Variants in ZNF385D observed in about 807,000 individuals in gnomAD.
ZNF385D encodes zinc finger protein 659.
Under a neutral mutation model 35.8 loss-of-function variants are expected in ZNF385D, and 15 were observed. That is an observed-to-expected ratio of 0.42 (90% CI 0.28 to 0.64). ZNF385D has a LOEUF of 0.64. ZNF385D is among the 30% of genes least tolerant of loss of function. ZNF385D has a pLI of 0.23. For missense variants in ZNF385D, 474 were observed against 494.6 expected, an observed-to-expected ratio of 0.96 and a Z score of 0.39; for synonymous variants, 212 against 186.8, an observed-to-expected ratio of 1.13 and a Z score of -1.10.
At chr3:21,658,655 C>G (rs1468217099) in intron 2 of ZNF385D, among the ~76,000 whole-genome samples, 1 of 151,886 alleles carries the variant, frequency 6.6e-6, no homozygotes, top group Non-Finnish European at 1.5e-5. Flanking sequence ...TGCTATGTTT[C>G]ATGTTCTATA....
rs545955707 is a variant in ZNF385D, at chr3:22,348,605, C to T, written c.106+23845G>A. 3.9e-4 allele frequency among the ~76,000 whole-genome samples: 55 copies of T among 140,826 alleles called. No homozygotes were observed. In the Middle Eastern group the frequency reaches 0.014, roughly 37 times the overall value. 92.4% of individuals were successfully genotyped at this position (140,826 alleles called of 152,430 possible). On this transcript the variant is annotated intron_variant, in intron 2 of 5. Coordinates refer to the ZNF385D transcript ENST00000494108. ...CCTGAACCCCGGGAGGTGGAAGTTG[C>T]GGTGAGCCGAGATCACGCCATTGCA...
chr3:21,984,291 G>T (rs1694680977), intron 3 of ZNF385D, among the ~76,000 whole-genome samples: 1 of 145,632 alleles, frequency 6.9e-6, no homozygotes, highest in South Asian at 2.1e-4. Context: ...GGGTTTTTAT[G>T]GTTTTAGGTC....
At chr3:21,768,499 C>A (rs2125604214) in intron 3 of ZNF385D, among the ~76,000 whole-genome samples, 1 of 151,954 alleles carries the variant, frequency 6.6e-6, no homozygotes, top group Non-Finnish European at 1.5e-5. Context: ...CAGGAGAATG[C>A]TTGGACAGTA....
chr3:21,487,192 C>G (rs1705097227), intron 4 of ZNF385D, among the ~76,000 whole-genome samples: 1 of 152,124 alleles, frequency 6.6e-6, no homozygotes, highest in Admixed American at 6.6e-5. Flanking sequence ...ACTTTACCCT[C>G]AAGCTTTCCA....
chr3:22,299,526 G>A (rs1195814127), intron 2 of ZNF385D, among the ~76,000 whole-genome samples: 2 of 151,900 alleles, frequency 1.3e-5, no homozygotes, highest in Non-Finnish European at 2.9e-5. Flanking sequence ...AAATTGGATA[G>A]TAAGAAGTTC....
At chr3:22,135,350 A>C (rs543683442) in intron 3 of ZNF385D, among the ~76,000 whole-genome samples, 1 of 150,754 alleles carries the variant, frequency 6.6e-6, no homozygotes, top group Non-Finnish European at 1.5e-5. Flanking sequence ...ACATACACAC[A>C]TAACTTATTT....
chr3:21,595,785 G>A (rs2064112578), intron 2 of ZNF385D, among the ~76,000 whole-genome samples: 1 of 152,094 alleles, frequency 6.6e-6, no homozygotes, highest in South Asian at 2.1e-4. Context: ...TCTTAGAGAA[G>A]CAAACTAAAA....
rs548634098 is a variant in ZNF385D at position 21,748,043 on chromosome 3, G to A, written c.22+2852C>T. On this transcript the variant is annotated intron_variant, in intron 1 of 7. Coordinates refer to ENST00000281523, the MANE Select transcript of ZNF385D (RefSeq NM_024697.3). ...TTATATTTAACTCCAAATGGTGAATGCAAGATCCAAGATTGATAGAATAAG... is the reference window on the plus strand; with the variant it reads ...TTATATTTAACTCCAAATGGTGAATACAAGATCCAAGATTGATAGAATAAG... Among the ~76,000 whole-genome samples, 6 of 152,218 alleles carry A rather than the reference G, an allele frequency of 3.9e-5. 1 individual carries two copies. The South Asian group carries it at 1.0e-3, about 26-fold the overall frequency.
chr3:21,881,244 T>C (rs1295605386), intron 3 of ZNF385D, among the ~76,000 whole-genome samples: 1 of 151,916 alleles, frequency 6.6e-6, no homozygotes, highest in African/African-American at 2.4e-5. Flanking sequence ...TCTAAGGAAG[T>C]TAGTGCCTGG....
chr3:21,518,550 C>G (rs995318854), intron 3 of ZNF385D, among the ~76,000 whole-genome samples: 15 of 152,100 alleles, frequency 9.9e-5, no homozygotes, highest in African/African-American at 3.1e-4. Context: ...AAAAATCAAC[C>G]CCTGTATCAA....
At chr3:22,214,322 C>T (rs374356036) in intron 2 of ZNF385D, among the ~76,000 whole-genome samples, 12 of 152,000 alleles carry the variant, frequency 7.9e-5, no homozygotes, top group Admixed American at 2.6e-4. Context: ...GGATGTATGT[C>T]GCCTCAGGAC....
intron 3 of ZNF385D, among the ~76,000 whole-genome samples, chr3:21,856,486 G>T (rs1696719834): frequency 1.3e-5 from 2 of 152,092 alleles, no homozygotes; most frequent in Non-Finnish European, 1.5e-5. Context: ...TGTAAAATAT[G>T]CAACTCTTGA....
chr3:21,510,820 G>T (rs762855771), intron 4 of ZNF385D, 41 bp downstream of exon 4: 2 of 1,603,914 alleles, frequency 1.2e-6, no homozygotes, highest in East Asian at 2.2e-5. Flanking sequence ...AATCCCCAAC[G>T]ACGACGACGA....
chr3:21,885,734 C>CTGTGTGTGTGTGTG, intron 3 of ZNF385D, among the ~76,000 whole-genome samples: 1 of 131,932 alleles, frequency 7.6e-6, no homozygotes, highest in East Asian at 2.0e-4. Context: ...CAGGGTGTGT[C>CTGTGTGTGTGTGTG]TGTGTCTGTG....
At position 22,164,629 on chromosome 3, in the gene ZNF385D, A is replaced by T. The variant is rs188737131; in HGVS notation, c.325+4188T>A. Among the ~76,000 whole-genome samples the T allele has an allele frequency of 1.2e-3, 186 of 150,310 alleles. 2 individuals are homozygous for T. Among genetic ancestry groups the T allele is most frequent in the African/African-American group, 4.3e-3 (176 of 40,876 alleles). ...GGGACTTTTTTTTTTTTTTTGAGTG[A>T]AACCACTTATAGTTTTTCTTCCTGG... On this transcript the variant is annotated intron_variant, in intron 3 of 5. Transcript: ENST00000494108.
At chr3:22,103,918 A>T (rs147730366) in intron 3 of ZNF385D, among the ~76,000 whole-genome samples, 2,554 of 152,190 alleles carry the variant, frequency 0.017, 78 homozygotes, top group African/African-American at 0.058. Flanking sequence ...ATGGCTTTAA[A>T]TTTTTATTTA....
At chr3:22,217,727 A>G (rs187930668) in intron 2 of ZNF385D, among the ~76,000 whole-genome samples, 299 of 152,282 alleles carry the variant, frequency 2.0e-3, no homozygotes, top group African/African-American at 6.8e-3. Flanking sequence ...GATAGGCTGA[A>G]AAGAAGGAGT....
intron 3 of ZNF385D, among the ~76,000 whole-genome samples, chr3:21,802,182 G>A (rs1425807004): frequency 1.3e-5 from 2 of 152,224 alleles, no homozygotes; most frequent in Middle Eastern, 3.4e-3. Context: ...ATTAGCTAAT[G>A]TAGATTGCAA....
intron 1 of ZNF385D, among the ~76,000 whole-genome samples, chr3:21,674,309 G>A (rs991669198): frequency 1.3e-5 from 2 of 151,978 alleles, no homozygotes; most frequent in African/African-American, 4.8e-5. Context: ...ATGAGTGAGG[G>A]TATCATAATG....
Sources: allele counts gnomAD v4.1 joint callset (sites outside exome capture counted in the v4.1 genomes callset), GRCh38; gene constraint gnomAD v4.1.1; transcripts MANE v1.5; gene names NCBI Gene and HGNC (gene_info 2026-07-23, HGNC 2026-07-21).